The following EYA4 variants were observed in gnomAD, a reference collection of about 807,000 sequenced individuals.
EYA4 encodes protein phosphatase EYA4.
EYA4 carries 31 observed loss-of-function variants against 87.9 expected under a neutral mutation model. The observed-to-expected ratio is 0.35, with a 90% CI of 0.27 to 0.48. EYA4 has a LOEUF of 0.48. EYA4 is among the 20% of genes least tolerant of loss of function. The pLI, the probability that EYA4 is intolerant of heterozygous loss-of-function variation, is 0.99. For missense variants in EYA4, 678 were observed against 761.4 expected (o/e 0.89, Z 1.29); for synonymous variants, 263 against 270.6 (o/e 0.97, Z 0.28).
chr6:133,365,359 G>A (rs573509806), intron 2 of EYA4, among the ~76,000 whole-genome samples: 35 of 152,214 alleles, frequency 2.3e-4, no homozygotes, highest in South Asian at 1.5e-3. Context: ...ACTTCCTGCC[G>A]AATGGATTGA....
At chr6:133,279,789 C>G (rs1044435601) in intron 2 of EYA4, among the ~76,000 whole-genome samples, 1 of 152,094 alleles carries the variant, frequency 6.6e-6, no homozygotes, top group Non-Finnish European at 1.5e-5. Flanking sequence ...AACGTGTACT[C>G]CTCTCTGTAT....
At chr6:133,473,519 A>G (rs1472374904) in intron 11 of EYA4, among the ~76,000 whole-genome samples, 2 of 152,096 alleles carry the variant, frequency 1.3e-5, no homozygotes, top group East Asian at 1.9e-4. Flanking sequence ...TATATCATGA[A>G]TTGATGAAAT....
intron 3 of EYA4, among the ~76,000 whole-genome samples, chr6:133,415,826 A>G (rs1789665025): frequency 6.6e-6 from 1 of 152,188 alleles, no homozygotes. Context: ...CAAAAAACTC[A>G]TAGTCTAATG....
chr6:133,468,503 T>A, intron 10 of EYA4, 63 bp from the exon 11 acceptor site: 2 of 1,336,102 alleles, frequency 1.5e-6, no homozygotes, highest in South Asian at 2.4e-5. Flanking sequence ...TGACTGGTTT[T>A]CTTGGGAGAG....
intron 2 of EYA4, among the ~76,000 whole-genome samples, chr6:133,326,153 T>C (rs1026853907): frequency 6.6e-6 from 1 of 152,210 alleles, no homozygotes; most frequent in Admixed American, 6.5e-5. Flanking sequence ...CTTTCACCCT[T>C]CTGGCCAGAG....
intron 1 of EYA4, among the ~76,000 whole-genome samples, chr6:133,269,580 C>T (rs1270688053): frequency 6.6e-6 from 1 of 152,078 alleles, no homozygotes; most frequent in Non-Finnish European, 1.5e-5. Context: ...TTTAAAACGT[C>T]TTGTGATCTA....
chr6:133,407,743 A>AT (rs1264632189), intron 3 of EYA4, among the ~76,000 whole-genome samples: 2 of 152,046 alleles, frequency 1.3e-5, no homozygotes, highest in South Asian at 2.1e-4. Context: ...TCAGGAAAAA[A>AT]AAATAAAAGA....
rs745910155 is a variant in EYA4 at position 133,468,781 on chromosome 6, A to C, written c.970+50A>C. 7 of 1,583,048 alleles carry C rather than the reference A, an allele frequency of 4.4e-6. No homozygotes were observed. The African/African-American group carries it at 5.4e-5, about 12-fold the overall frequency. On this transcript the variant is annotated intron_variant, in intron 11 of 19. Transcript: ENST00000355286. ...TACTTTTATATGTTTTGCAATATCT[A>C]ATAAAACGGAGAAAGTGGACATTCC...
rs144969161 is a variant in EYA4, at chr6:133,433,958, G to A, written c.84-12672G>A. ...TAGGCATGAATTAGGACTGCACAGT[G>A]TCTGAGGACAAAGCTAATGTACTCT... On this transcript the variant is annotated intron_variant, in intron 3 of 19. Coordinates refer to ENST00000355286, the MANE Select transcript of EYA4 (RefSeq NM_004100.5). Among the ~76,000 whole-genome samples, 257 of 152,338 alleles carry A rather than the reference G, an allele frequency of 1.7e-3. 1 individual carries two copies. Among genetic ancestry groups the A allele is most frequent in the African/African-American group, 5.8e-3 (242 of 41,582 alleles).
intron 12 of EYA4, 143 bp from the exon 13 acceptor site, chr6:133,482,889 T>C: frequency 2.8e-6 from 2 of 705,674 alleles, no homozygotes; most frequent in East Asian, 5.8e-5. Context: ...TTTGGCAAAT[T>C]TGAAAAACAA....
chr6:133,524,377 A>G (rs1800443761), intron 18 of EYA4, among the ~76,000 whole-genome samples: 1 of 152,190 alleles, frequency 6.6e-6, no homozygotes, highest in Admixed American at 6.6e-5. Context: ...AAAAGGCAGA[A>G]GTAGCCATGG....
At chr6:133,286,430 G>A (rs1778067283) in intron 2 of EYA4, among the ~76,000 whole-genome samples, 1 of 152,146 alleles carries the variant, frequency 6.6e-6, no homozygotes, top group Non-Finnish European at 1.5e-5. Context: ...AATAAGTCTA[G>A]CTAGGGACAA....
intron 13 of EYA4, among the ~76,000 whole-genome samples, chr6:133,504,579 T>A (rs1798429704): frequency 6.6e-6 from 1 of 152,324 alleles, no homozygotes; most frequent in East Asian, 1.9e-4. Flanking sequence ...ACTCAATGCC[T>A]TTTTCTTAGC....
At chr6:133,349,545 T>C (rs1783473484) in intron 2 of EYA4, among the ~76,000 whole-genome samples, 1 of 152,244 alleles carries the variant, frequency 6.6e-6, no homozygotes, top group Non-Finnish European at 1.5e-5. Flanking sequence ...TTGAAAATGA[T>C]GGCAAGTTAG....
intron 13 of EYA4, among the ~76,000 whole-genome samples, chr6:133,490,414 G>A (rs1797049731): frequency 6.6e-6 from 1 of 150,514 alleles, no homozygotes; most frequent in Non-Finnish European, 1.5e-5. Flanking sequence ...AAAAAACCGT[G>A]ACCCAGCGAT....
At chr6:133,487,924 C>T (rs11963580) in intron 13 of EYA4, among the ~76,000 whole-genome samples, 6,347 of 152,142 alleles carry the variant, frequency 0.042, 437 homozygotes, top group African/African-American at 0.14. Flanking sequence ...GGCACCAAGT[C>T]GGCATGTGGG....
chr6:133,478,448 A>AATAT (rs140582693), intron 11 of EYA4, among the ~76,000 whole-genome samples: 11 of 151,790 alleles, frequency 7.2e-5, no homozygotes, highest in Admixed American at 2.0e-4. Flanking sequence ...GATACAGTGT[A>AATAT]ATATATATAT....
At chr6:133,308,014 G>A (rs898926604) in intron 2 of EYA4, among the ~76,000 whole-genome samples, 1 of 152,082 alleles carries the variant, frequency 6.6e-6, no homozygotes, top group East Asian at 1.9e-4. Context: ...TTTATAAAGG[G>A]CAGTTCCCCT....
chr6:133,411,533 G>A (rs563572527), intron 3 of EYA4, among the ~76,000 whole-genome samples: 17 of 151,632 alleles, frequency 1.1e-4, no homozygotes, highest in Admixed American at 2.0e-4. Flanking sequence ...TTCCATATAT[G>A]TGTGTGTGTG....
Sources: gnomAD v4.1 joint callset for allele counts (sites outside exome capture counted in the v4.1 genomes callset) on GRCh38, gnomAD v4.1.1 for gene constraint, MANE v1.5 for transcripts, NCBI Gene and HGNC (gene_info 2026-07-23, HGNC 2026-07-21) for gene names.